NBEA: variants seen among roughly 807,000 people sequenced by gnomAD.
NBEA encodes neurobeachin.
In NBEA, 44 loss-of-function variants were observed where a neutral mutation model predicts 343.4. That is an observed-to-expected ratio of 0.13 (90% CI 0.10 to 0.16). NBEA has a LOEUF of 0.16. Among genes scored for constraint, NBEA ranks in the 10% least tolerant of loss-of-function variants. The pLI is 1.00. For missense variants in NBEA, 2,555 were observed against 3,631.3 expected, an observed-to-expected ratio of 0.70 and a Z score of 7.62; for synonymous variants, 1,175 against 1,238.7, an observed-to-expected ratio of 0.95 and a Z score of 1.08.
At chr13:35,470,899 C>A (rs1293299221) in intron 40 of NBEA, among the ~76,000 whole-genome samples, 1 of 152,228 alleles carries the variant, frequency 6.6e-6, no homozygotes, top group Non-Finnish European at 1.5e-5. Flanking sequence ...ATTGATGATC[C>A]TTTAAAGTGG....
At chr13:35,066,624 G>A (rs1266348119) in intron 8 of NBEA, among the ~76,000 whole-genome samples, 3 of 151,500 alleles carry the variant, frequency 2.0e-5, no homozygotes, top group African/African-American at 7.3e-5. Flanking sequence ...CTTTCTTGTG[G>A]TTTCTTGATT....
At chr13:35,171,608 A>C (rs937152261) in intron 26 of NBEA, among the ~76,000 whole-genome samples, 156 bp downstream of exon 26, 5 of 152,056 alleles carry the variant, frequency 3.3e-5, no homozygotes, top group Non-Finnish European at 7.4e-5. Context: ...ATTAATCAGA[A>C]TTACTAAATT....
intron 33 of NBEA, among the ~76,000 whole-genome samples, chr13:35,228,262 A>C (rs1418553399): frequency 6.6e-6 from 1 of 152,140 alleles, no homozygotes; most frequent in East Asian, 1.9e-4. Context: ...AATTTCATCT[A>C]AAGCCTTATT....
chr13:35,198,556 A>G (rs2072790329), intron 31 of NBEA, among the ~76,000 whole-genome samples: 1 of 152,190 alleles, frequency 6.6e-6, no homozygotes, highest in Admixed American at 6.6e-5. Context: ...TTGCTTTAAG[A>G]AAAATACAGC....
chr13:35,414,301 T>C (rs527287637), intron 38 of NBEA, among the ~76,000 whole-genome samples: 1 of 152,194 alleles, frequency 6.6e-6, no homozygotes, highest in African/African-American at 2.4e-5. Flanking sequence ...TACATATGTA[T>C]ACATGCGCCA....
At chr13:35,344,172 TTAACA>T (rs1214395314) in intron 36 of NBEA, among the ~76,000 whole-genome samples, 2 of 152,072 alleles carry the variant, frequency 1.3e-5, no homozygotes, top group Non-Finnish European at 2.9e-5. Flanking sequence ...TTTTGAACAC[TTAACA>T]TATTTCAAAG....
intron 1 of NBEA, among the ~76,000 whole-genome samples, chr13:35,001,149 C>A (rs944765143): frequency 6.6e-6 from 1 of 151,912 alleles, no homozygotes. Flanking sequence ...AAAATAATAA[C>A]TAGGGTAACT....
chr13:35,659,281 C>T (rs2084955895), intron 55 of NBEA, among the ~76,000 whole-genome samples: 2 of 152,232 alleles, frequency 1.3e-5, no homozygotes, highest in African/African-American at 2.4e-5. Context: ...CTTTGTGTGT[C>T]ACCGAGGCCA....
At chr13:35,470,385 T>TC (rs2075590030) in intron 40 of NBEA, among the ~76,000 whole-genome samples, 1 of 152,118 alleles carries the variant, frequency 6.6e-6, no homozygotes, top group African/African-American at 2.4e-5. Flanking sequence ...CTTTTTTTTT[T>TC]CATGTTCTCA....
intron 48 of NBEA, among the ~76,000 whole-genome samples, chr13:35,613,155 C>T (rs1470168831): frequency 6.7e-6 from 1 of 150,202 alleles, no homozygotes; most frequent in Non-Finnish European, 1.5e-5. Context: ...GAGTTTATTC[C>T]TCCTAACTGT....
intron 48 of NBEA, among the ~76,000 whole-genome samples, chr13:35,623,674 T>A (rs750090676): frequency 6.6e-6 from 1 of 152,268 alleles, no homozygotes; most frequent in Non-Finnish European, 1.5e-5. Context: ...TGAGCATCTA[T>A]GAGCTAATAA....
In NBEA at chr13:35,182,442, T is replaced by C. The variant is rs1230664548; in HGVS notation, c.4745T>C (p.Ile1582Thr). Reference sequence around the variant, plus strand: ...CTGATGGTTTCCAAGTATCGTGACATATTAGAACCCCAGAGAGAGACTACA... The same window carrying C: ...CTGATGGTTTCCAAGTATCGTGACACATTAGAACCCCAGAGAGAGACTACA... ...SVLMVSKYRD[I>T]LEPQRETTRT... Residue 1582 changes from isoleucine (I) to threonine (T), a missense_variant, in exon 29 of 59, where the codon ATA becomes ACA. Ile to Thr is a moderately conservative substitution (Grantham distance 89). Transcript: ENST00000379939. The C allele has an allele frequency of 6.2e-7, 1 of 1,610,682 alleles. No homozygotes were observed. The highest frequency in any genetic ancestry group is 8.5e-7 in the Non-Finnish European group (1 of 1,177,854).
intron 7 of NBEA, among the ~76,000 whole-genome samples, chr13:35,057,338 G>C (rs563126434): frequency 6.6e-6 from 1 of 152,112 alleles, no homozygotes; most frequent in African/African-American, 2.4e-5. Flanking sequence ...GGGCTGGGCA[G>C]ACTACACCCT....
chr13:35,576,933 A>G (rs1206577132), intron 45 of NBEA, among the ~76,000 whole-genome samples: 1 of 152,224 alleles, frequency 6.6e-6, no homozygotes, highest in Admixed American at 6.5e-5. Context: ...CATATAGTAG[A>G]AAGTCAACTT....
intron 41 of NBEA, among the ~76,000 whole-genome samples, chr13:35,503,736 A>G (rs2076974574): frequency 6.6e-6 from 1 of 152,064 alleles, no homozygotes. Flanking sequence ...AATATGTAAA[A>G]TAGCATATTG....
chr13:35,440,819 G>A (rs551169284), intron 39 of NBEA, among the ~76,000 whole-genome samples: 1 of 151,328 alleles, frequency 6.6e-6, no homozygotes, highest in Non-Finnish European at 1.5e-5. Flanking sequence ...TCTACAGTGT[G>A]TTGTAGTAAA....
intron 14 of NBEA, among the ~76,000 whole-genome samples, 192 bp downstream of exon 14, chr13:35,117,685 A>G (rs1374816337): frequency 6.6e-6 from 1 of 151,954 alleles, no homozygotes; most frequent in Non-Finnish European, 1.5e-5. Flanking sequence ...AATCTTCCCT[A>G]TTAAGGGATG....
intron 33 of NBEA, among the ~76,000 whole-genome samples, chr13:35,225,154 A>C (rs1191156683): frequency 6.6e-6 from 1 of 152,110 alleles, no homozygotes; most frequent in African/African-American, 2.4e-5. Flanking sequence ...GGGTGCTTGC[A>C]AGCCTGGTGT....
intron 36 of NBEA, among the ~76,000 whole-genome samples, chr13:35,339,033 C>T (rs2039430085): frequency 6.6e-6 from 1 of 151,996 alleles, no homozygotes; most frequent in Admixed American, 6.6e-5. Context: ...AAACAAAGAA[C>T]CCCGCAATGA....
Sources: gnomAD v4.1 joint callset for allele counts (sites outside exome capture counted in the v4.1 genomes callset) on GRCh38, gnomAD v4.1.1 for gene constraint, MANE v1.5 for transcripts, NCBI Gene and HGNC (gene_info 2026-07-23, HGNC 2026-07-21) for gene names.